Variants in ADPGK observed in about 807,000 individuals in gnomAD.
The protein encoded by ADPGK is ADP dependent glucokinase.
ADPGK carries 26 observed loss-of-function variants against 42.4 expected under a neutral mutation model. That is an observed-to-expected ratio of 0.61 (90% CI 0.45 to 0.85). The LOEUF (loss-of-function observed/expected upper bound fraction) is 0.85, where lower values mean the gene tolerates loss of function less well. Ranked by LOEUF, ADPGK falls within the 40% of genes least tolerant of loss-of-function variation. The pLI is 0.00. For missense variants in ADPGK, 571 were observed against 627.0 expected (o/e 0.91, Z 0.95); for synonymous variants, 267 against 252.6 (o/e 1.06, Z -0.54).
chr15:72,780,731 C>T (rs2066447337), intron 1 of ADPGK, among the ~76,000 whole-genome samples: 2 of 152,222 alleles, frequency 1.3e-5, no homozygotes, highest in South Asian at 4.1e-4. Context: ...TGAGCTTGAA[C>T]ATGCCACTGC....
chr15:72,756,479 AAAGG>A (rs774261259), intron 4 of ADPGK, 32 bp from the exon 5 acceptor site: 2 of 1,612,448 alleles, frequency 1.2e-6, no homozygotes, highest in East Asian at 2.2e-5. Context: ...AATGGGAAGA[AAAGG>A]AAGAGGCTTT....
Position 72,774,978 on chromosome 15 carries a change from G to C in ADPGK, c.353C>G (p.Ala118Gly), listed in dbSNP as rs1391006016. The C allele has an allele frequency of 2.5e-6, 4 of 1,613,966 alleles. No individual in the cohort carries two copies. Among genetic ancestry groups the C allele is most frequent in the Non-Finnish European group, 3.4e-6 (4 of 1,180,030 alleles). The part of the protein sequence containing the change: ...ILHSRNDLEE[A>G]FIHFMGKGAA... ...TCCCTTCCCCATGAAGTGAATGAAG[G>C]CTTCTTCCAGATCATTCCTTGAATG... The change falls in exon 2 of 7, where the codon GCC becomes GGC. Residue 118 changes from alanine (A) to glycine (G), a missense_variant. Physicochemically the swap from Ala to Gly is moderately conservative, Grantham distance 60. Around this residue, in one of 2 missense-constraint regions of ADPGK, gnomAD observed 434 missense variants for 522.7 expected, o/e 0.83. Transcript: ENST00000456471.
chr15:72,772,940 C>A (rs1275738247), intron 2 of ADPGK, among the ~76,000 whole-genome samples: 1 of 152,042 alleles, frequency 6.6e-6, no homozygotes, highest in Non-Finnish European at 1.5e-5. Context: ...AGTTGAAAAG[C>A]CTGATAGTGT....
Position 72,763,454 on chromosome 15 carries a change from C to T in ADPGK, c.523-2927G>A, listed in dbSNP as rs147008458. Among the ~76,000 whole-genome samples, 1,289 of 151,740 alleles carry T rather than the reference C, an allele frequency of 8.5e-3. 13 individuals carry two copies. The highest frequency in any genetic ancestry group is 0.029 in the African/African-American group (1,192 of 41,336). On this transcript the variant is annotated intron_variant, in intron 3 of 6. Coordinates refer to ENST00000456471, the MANE Select transcript of ADPGK (RefSeq NM_001365225.1). ...TGCCCGTCTTGGCCTTCCAAAGTGC[C>T]GGATTACAGGCGTGAGCCACCATAC... is the stretch of plus-strand genomic sequence containing the variant.
chr15:72,781,538 G>C (rs2066458072), intron 1 of ADPGK, among the ~76,000 whole-genome samples: 1 of 152,178 alleles, frequency 6.6e-6, no homozygotes. Context: ...TATTTTCCAA[G>C]ATGGTGGCAA....
At chr15:72,754,727 A>AT (rs1200356918) in intron 6 of ADPGK, among the ~76,000 whole-genome samples, 1 of 152,212 alleles carries the variant, frequency 6.6e-6, no homozygotes, top group Non-Finnish European at 1.5e-5. Flanking sequence ...AAGACAGAGG[A>AT]TACTCTCCAT....
intron 3 of ADPGK, among the ~76,000 whole-genome samples, chr15:72,763,297 A>T (rs2151078596): frequency 6.7e-6 from 1 of 149,604 alleles, no homozygotes; most frequent in Non-Finnish European, 1.5e-5. Context: ...GATTATGGAC[A>T]CACACCACCA....
intron 1 of ADPGK, among the ~76,000 whole-genome samples, chr15:72,779,773 CAACCTAAGTGCCA>C (rs1566965930): frequency 1.3e-5 from 2 of 152,204 alleles, no homozygotes; most frequent in African/African-American, 4.8e-5. Flanking sequence ...TCTCTGGCTT[CAACCTAAGTGCCA>C]GTGTCTCCAA....
intron 4 of ADPGK, chr15:72,756,713 A>T (rs1308318784): frequency 1.2e-5 from 6 of 486,138 alleles, no homozygotes; most frequent in African/African-American, 1.2e-4. Flanking sequence ...CCTGAGTCCC[A>T]GGAGAGCCCT....
chr15:72,771,528 C>G (rs1441129447), intron 3 of ADPGK, among the ~76,000 whole-genome samples: 1 of 152,204 alleles, frequency 6.6e-6, no homozygotes, highest in African/African-American at 2.4e-5. Flanking sequence ...GCAGTACCGA[C>G]TAGCCTTACA....
intron 6 of ADPGK, 80 bp downstream of exon 6, chr15:72,755,476 C>G (rs1196412054): frequency 2.1e-5 from 22 of 1,067,022 alleles, no homozygotes; most frequent in Non-Finnish European, 2.7e-5. Context: ...TGAGCCCAAA[C>G]AGATGGTCCC....
chr15:72,780,303 T>G (rs1178712119), intron 1 of ADPGK, among the ~76,000 whole-genome samples: 2 of 151,746 alleles, frequency 1.3e-5, no homozygotes, highest in African/African-American at 4.9e-5. Flanking sequence ...CCGTGCCGAG[T>G]GAATAGCAGG....
At chr15:72,755,480 T>C (rs2066099319) in intron 6 of ADPGK, 76 bp downstream of exon 6, 1 of 1,093,888 alleles carries the variant, frequency 9.1e-7, no homozygotes, top group Non-Finnish European at 1.4e-6. Context: ...CCCAAACAGA[T>C]GGTCCCACTG....
intron 3 of ADPGK, among the ~76,000 whole-genome samples, chr15:72,768,094 T>C (rs1356733505): frequency 1.3e-5 from 2 of 152,024 alleles, no homozygotes; most frequent in African/African-American, 4.8e-5. Flanking sequence ...AAAACATCAT[T>C]ACAAATTGTA....
chr15:72,760,357 T>C, intron 4 of ADPGK, 50 bp downstream of exon 4: 1 of 1,537,854 alleles, frequency 6.5e-7, no homozygotes, highest in Non-Finnish European at 8.8e-7. Context: ...AATCTGACAA[T>C]ACACAGCCCC....
intron 4 of ADPGK, chr15:72,758,223 A>C: frequency 4.4e-6 from 5 of 1,133,716 alleles, no homozygotes; most frequent in Admixed American, 1.7e-5. Context: ...GGGCAGATGC[A>C]AATGGATCTA....
chr15:72,779,244 G>GTTTTTTTT (rs35321622), intron 1 of ADPGK, among the ~76,000 whole-genome samples: 2 of 107,226 alleles, frequency 1.9e-5, no homozygotes, highest in Non-Finnish European at 3.6e-5. Context: ...TAGCATGAGG[G>GTTTTTTTT]TTTTTTTTTT....
chr15:72,757,161 G>T (rs1292869473), intron 4 of ADPGK: 1 of 151,818 alleles, frequency 6.6e-6, no homozygotes, highest in African/African-American at 2.4e-5. Flanking sequence ...CCTAATACAG[G>T]ACTGAGGCAC....
chr15:72,773,740 C>A (rs1328934322), intron 2 of ADPGK, among the ~76,000 whole-genome samples: 1 of 152,242 alleles, frequency 6.6e-6, no homozygotes, highest in East Asian at 1.9e-4. Flanking sequence ...AGATAAGAAT[C>A]TCACTACTGA....
Sources: allele counts gnomAD v4.1 joint callset (sites outside exome capture counted in the v4.1 genomes callset), GRCh38; gene constraint gnomAD v4.1.1; regional missense constraint gnomAD v4.1.1; transcripts MANE v1.5; gene names NCBI Gene and HGNC (gene_info 2026-07-23, HGNC 2026-07-21).